CHAF1A: variants seen among roughly 807,000 people sequenced by gnomAD.
CHAF1A encodes the protein chromatin assembly factor 1 subunit A, also known as CAF-1 subunit A.
Under a neutral mutation model 93.2 loss-of-function variants are expected in CHAF1A, and 5 were observed. That is an observed-to-expected ratio of 0.05 (90% CI 0.03 to 0.11). The LOEUF is 0.11. Ranked by LOEUF, CHAF1A falls within the 10% of genes least tolerant of loss-of-function variation. The pLI, the probability that CHAF1A is intolerant of heterozygous loss-of-function variation, is 1.00. For synonymous variants in CHAF1A, 504 were observed against 510.3 expected, an observed-to-expected ratio of 0.99 and a Z score of 0.17; for missense variants, 1,102 against 1,259.9, an observed-to-expected ratio of 0.87 and a Z score of 1.90.
chr19:4,432,288 G>A (rs1461551058), intron 12 of CHAF1A, 81 bp downstream of exon 12: 1 of 1,446,318 alleles, frequency 6.9e-7, no homozygotes, highest in East Asian at 2.4e-5. Context: ...TCACAGGCTA[G>A]TGGGTCCGTG....
intron 6 of CHAF1A, 104 bp downstream of exon 6, chr19:4,423,499 G>A: frequency 6.3e-7 from 1 of 1,580,678 alleles, no homozygotes; most frequent in Non-Finnish European, 8.6e-7. Context: ...TCTTGGTTTG[G>A]GGAAACCAAA....
intron 7 of CHAF1A, among the ~76,000 whole-genome samples, chr19:4,427,659 C>T (rs1974109054): frequency 6.6e-6 from 1 of 152,218 alleles, no homozygotes; most frequent in Admixed American, 6.5e-5. Flanking sequence ...ACGATCTCAG[C>T]TCACTGCAAC....
intron 3 of CHAF1A, among the ~76,000 whole-genome samples, chr19:4,415,038 G>A (rs1973874336): frequency 6.6e-6 from 1 of 152,130 alleles, no homozygotes; most frequent in Admixed American, 6.5e-5. Context: ...CACATAGTGA[G>A]CTCTGTCGCG....
chr19:4,427,730 G>A (rs1974110472), intron 7 of CHAF1A, among the ~76,000 whole-genome samples: 1 of 152,208 alleles, frequency 6.6e-6, no homozygotes. Context: ...TGGGACTACA[G>A]GTGCATGCCA....
chr19:4,403,171 T>C (rs1599632963), intron 1 of CHAF1A, among the ~76,000 whole-genome samples: 3 of 152,020 alleles, frequency 2.0e-5, no homozygotes, highest in African/African-American at 4.8e-5. Context: ...CCCTTGACCA[T>C]GTTGGACCTT....
At position 4,443,101 on chromosome 19, in the gene CHAF1A, T is replaced by C. The variant is rs895426468; in HGVS notation, c.*76T>C. Reference sequence around the variant, plus strand: ...GATACTTGAACCGACTCAATTCCTGTGTAAAGAGCACTTTGTCCTGCTTCA... The same window carrying C: ...GATACTTGAACCGACTCAATTCCTGCGTAAAGAGCACTTTGTCCTGCTTCA... On this transcript the variant is annotated 3_prime_UTR_variant, in exon 15 of 15. Coordinates refer to ENST00000301280, the MANE Select transcript of CHAF1A (RefSeq NM_005483.3). 1 of 953,746 alleles carries C rather than the reference T, an allele frequency of 1.0e-6. No individual in the cohort carries two copies. Among genetic ancestry groups the C allele is most frequent in the Admixed American group, 2.0e-5 (1 of 50,266 alleles). 59.1% of individuals were successfully genotyped at this position (953,746 alleles called of 1,614,324 possible). A position where few individuals can be genotyped will look rare whatever the true frequency, so the allele number is the denominator to read the frequency against.
Position 4,402,701 on chromosome 19 carries a change from G to C in CHAF1A, c.-62G>C. On this transcript the variant is annotated 5_prime_UTR_variant, in exon 1 of 15. Coordinates refer to ENST00000301280, the MANE Select transcript of CHAF1A (RefSeq NM_005483.3). ...CGCGGGCGGGAGGGCGAAGAGCAGC[G>C]GCCGCCTGAGGGGAGCCCGCGCCTC... 1.9e-6 allele frequency: 2 copies of C among 1,077,964 alleles called. No homozygotes were observed. The highest frequency in any genetic ancestry group is 2.3e-6 in the Non-Finnish European group (2 of 858,092). The allele number at this position is 1,077,964 out of a possible 1,614,324, so 66.8% of individuals were successfully genotyped here. A position where few individuals can be genotyped will look rare whatever the true frequency, so the allele number is the denominator to read the frequency against.
chr19:4,419,029 ATTTTTTTTTTTT>A (rs11406470), intron 4 of CHAF1A, among the ~76,000 whole-genome samples: 7 of 96,472 alleles, frequency 7.3e-5, no homozygotes, highest in Non-Finnish European at 1.3e-4. Flanking sequence ...TAGCCAGCTA[ATTTTTTTTTTTT>A]TTTTTTTTTT....
intron 2 of CHAF1A, among the ~76,000 whole-genome samples, chr19:4,406,306 G>A (rs1368331773): frequency 6.6e-6 from 1 of 152,158 alleles, no homozygotes; most frequent in Non-Finnish European, 1.5e-5. Context: ...CGTGGCTGAT[G>A]TCCCCTGGGA....
At chr19:4,438,258 T>C (rs1340123712) in intron 13 of CHAF1A, among the ~76,000 whole-genome samples, 3 of 152,198 alleles carry the variant, frequency 2.0e-5, no homozygotes, top group East Asian at 3.8e-4. Context: ...CATGTTCTTA[T>C]AAGTGAGAGC....
Position 4,422,489 on chromosome 19 carries a change from T to C in CHAF1A, c.1018-77T>C. 7.7e-7 allele frequency: 1 copy of C among 1,305,750 alleles called. No homozygotes were observed. Among genetic ancestry groups the C allele is most frequent in the Non-Finnish European group, 1.1e-6 (1 of 928,730 alleles). 80.9% of individuals were successfully genotyped at this position (1,305,750 alleles called of 1,614,324 possible). A position where few individuals can be genotyped will look rare whatever the true frequency, so the allele number is the denominator to read the frequency against. On this transcript the variant is annotated intron_variant, in intron 4 of 14. Coordinates refer to ENST00000301280, the MANE Select transcript of CHAF1A (RefSeq NM_005483.3). The surrounding 1 kb of genome is among the most constrained non-coding windows in gnomAD (Gnocchi z 4.6). ...TGTTCATCCCGTCCAGGCCGTGCTG[T>C]CCTCCATGCTGTGAACCGAGCTTCC...
At position 4,409,068 on chromosome 19, in the gene CHAF1A, A is replaced by C; in HGVS notation, c.269A>C (p.Lys90Thr). The change falls in exon 3 of 15, where the codon AAA (lysine) becomes ACA (threonine). Residue 90 changes from lysine to threonine, a missense_variant. Lys to Thr is a moderately conservative substitution (Grantham distance 78, BLOSUM62 -1). Around this residue, in one of 6 missense-constraint regions of CHAF1A, gnomAD observed 379 missense variants for 365.7 expected, o/e 1.04. Transcript: ENST00000301280. ...HVGSDIDFRP[K>T]LVNGKGPLDN... ...GGTTCTGACATAGACTTTAGACCGA[A>C]ACTTGTCAACGGGAAGGGTCCCTTA... 6.2e-7 allele frequency: 1 copy of C among 1,614,226 alleles called. No homozygotes were observed. The highest frequency in any genetic ancestry group is 8.5e-7 in the Non-Finnish European group (1 of 1,180,046).
At position 4,430,593 on chromosome 19, in the gene CHAF1A, T is replaced by C. The variant is rs1417231929; in HGVS notation, c.1899T>C (p.Gly633=). Residue 633 remains glycine (G), a synonymous_variant, in exon 11 of 15, where the codon GGT becomes GGC. Transcript: ENST00000301280. ...GAGAGGATGAAGATGAGGACGATGG[T>C]TTCTTTGTGCCCCATGGGTACCTGT... The part of the protein sequence containing the change: ...DMGEDEDEDD[G]FFVPHGYLSE... The C allele has an allele frequency of 6.2e-7, 1 of 1,613,362 alleles. No individual in the cohort carries two copies. The highest frequency in any genetic ancestry group is 1.1e-5 in the South Asian group (1 of 91,046).
At chr19:4,446,699 C>G (rs563472721), downstream of CHAF1A, 1 of 1,609,928 alleles carries the variant, frequency 6.2e-7, no homozygotes, top group Non-Finnish European at 8.5e-7. Flanking sequence ...TCGCTCAGCA[C>G]GTAGAACTCC....
rs3831749 is a variant in CHAF1A at position 4,430,527 on chromosome 19, CTTTT to C, written c.1855-15_1855-12del. 2 of 1,375,508 alleles carry C rather than the reference CTTTT, an allele frequency of 1.5e-6. No individual in the cohort carries two copies. Among genetic ancestry groups the C allele is most frequent in the Non-Finnish European group, 2.0e-6 (2 of 988,336 alleles). The allele number at this position is 1,375,508 out of a possible 1,614,324, so 85.2% of individuals were successfully genotyped here. On this transcript the variant is annotated intron_variant, in intron 10 of 14. Transcript: ENST00000301280. ...ACTCTGCTTTTCTATCTGATGAACT[CTTTT>C]TTTTTTCTCCTTTTGAGGATGATGA...
chr19:4,426,619 C>T (rs1254357041), intron 7 of CHAF1A, among the ~76,000 whole-genome samples: 4 of 152,074 alleles, frequency 2.6e-5, no homozygotes, highest in Non-Finnish European at 4.4e-5. Context: ...AGATTACAGG[C>T]ATGTGCTGCC....
rs1974007362 is a variant in CHAF1A, at chr19:4,422,470, T to C, written c.1018-96T>C. 5 of 1,115,054 alleles carry C rather than the reference T, an allele frequency of 4.5e-6. No homozygotes were observed. The highest frequency in any genetic ancestry group is 6.5e-6 in the Non-Finnish European group (5 of 768,722). 69.1% of individuals were successfully genotyped at this position (1,115,054 alleles called of 1,614,324 possible). A position where few individuals can be genotyped will look rare whatever the true frequency, so the allele number is the denominator to read the frequency against. On this transcript the variant is annotated intron_variant, in intron 4 of 14. Transcript: ENST00000301280. The surrounding 1 kb of genome is among the most constrained non-coding windows in gnomAD (Gnocchi z 4.6). Reference sequence around the variant, plus strand: ...AGCCTTGGTCCCTCAATTCTGTTCATCCCGTCCAGGCCGTGCTGTCCTCCA... The same window carrying C: ...AGCCTTGGTCCCTCAATTCTGTTCACCCCGTCCAGGCCGTGCTGTCCTCCA...
At chr19:4,423,713 T>C in intron 6 of CHAF1A, 93 bp from the exon 7 acceptor site, 1 of 1,283,464 alleles carries the variant, frequency 7.8e-7, no homozygotes, top group South Asian at 1.2e-5. Context: ...GCTAAAATGC[T>C]TGACGTTCGG....
intron 13 of CHAF1A, 32 bp from the exon 14 acceptor site, chr19:4,442,213 A>C (rs757733585): frequency 6.3e-7 from 1 of 1,594,312 alleles, no homozygotes; most frequent in African/African-American, 1.3e-5. Flanking sequence ...TGCTGCCTGC[A>C]GTGCTGATGG....
Sources: gnomAD v4.1 joint callset for allele counts (sites outside exome capture counted in the v4.1 genomes callset) on GRCh38, gnomAD v4.1.1 for gene constraint, gnomAD v4.1.1 regional missense constraint, Gnocchi (gnomAD v3.1) non-coding constraint, MANE v1.5 for transcripts, NCBI Gene and HGNC (gene_info 2026-07-23, HGNC 2026-07-21) for gene names.